CNBD1: variants seen among roughly 807,000 people sequenced by gnomAD.
The protein encoded by CNBD1 is cyclic nucleotide-binding domain-containing protein 1.
A neutral mutation model predicts 54.4 loss-of-function variants in CNBD1; 71 were observed. The ratio of observed to expected loss-of-function variants is 1.30; its 90% confidence interval spans 1.08 to 1.59. CNBD1 has a LOEUF of 1.59. Ranked by LOEUF, CNBD1 falls within the 40% of genes most tolerant of loss-of-function variation. The pLI, the probability that CNBD1 is intolerant of heterozygous loss-of-function variation, is 0.00. For missense variants in CNBD1, 659 were observed against 518.0 expected (o/e 1.27, Z -2.64); for synonymous variants, 182 against 170.7 (o/e 1.07, Z -0.51).
At chr8:87,268,886 G>C (rs75010638) in intron 6 of CNBD1, among the ~76,000 whole-genome samples, 1 of 151,950 alleles carries the variant, frequency 6.6e-6, no homozygotes, top group East Asian at 1.9e-4. Flanking sequence ...AGTTTACTCC[G>C]TTTATAGTTT....
chr8:86,903,897 A>G (rs1808976768), intron 2 of CNBD1, among the ~76,000 whole-genome samples: 1 of 152,000 alleles, frequency 6.6e-6, no homozygotes, highest in African/African-American at 2.4e-5. Flanking sequence ...GCCTCTAATA[A>G]ATCAGTGGTC....
At chr8:87,007,006 G>A (rs1809115920) in intron 4 of CNBD1, among the ~76,000 whole-genome samples, 1 of 152,146 alleles carries the variant, frequency 6.6e-6, no homozygotes. Context: ...AGACCAGCCT[G>A]GCCAACATGG....
intron 8 of CNBD1, among the ~76,000 whole-genome samples, chr8:87,307,137 C>G (rs1809169473): frequency 2.0e-5 from 3 of 152,132 alleles, no homozygotes; most frequent in Admixed American, 2.0e-4. Context: ...ACAGATTCGT[C>G]TTAGATTTCA....
chr8:87,187,018 A>G (rs1813492268), intron 4 of CNBD1, among the ~76,000 whole-genome samples: 1 of 152,138 alleles, frequency 6.6e-6, no homozygotes, highest in Non-Finnish European at 1.5e-5. Context: ...TTTCCTACCA[A>G]GAAGAAAATA....
chr8:87,309,928 C>G lies in CNBD1; in HGVS notation c.1042+23257C>G, dbSNP rs548611525. On this transcript the variant is annotated intron_variant, in intron 8 of 10. Transcript: ENST00000518476. ...CTTCATGGATGAAATGATTCTGTAC[C>G]TAGAAACCCCTAAAAACTTTGCCAC... 8.7e-4 allele frequency among the ~76,000 whole-genome samples: 132 copies of G among 152,206 alleles called. 1 individual carries two copies. Among genetic ancestry groups the G allele is most frequent in the South Asian group, 6.2e-3 (30 of 4,826 alleles).
At chr8:87,285,759 A>G (rs924848311) in intron 7 of CNBD1, among the ~76,000 whole-genome samples, 1 of 152,136 alleles carries the variant, frequency 6.6e-6, no homozygotes, top group Admixed American at 6.6e-5. Flanking sequence ...AATCCCAGCT[A>G]CTCGGGAGGC....
chr8:87,349,218 C>T (rs933440187), intron 8 of CNBD1, among the ~76,000 whole-genome samples: 1 of 152,114 alleles, frequency 6.6e-6, no homozygotes, highest in African/African-American at 2.4e-5. Context: ...ATCCAAACAA[C>T]ATTTATCTTG....
At chr8:87,152,108 G>A (rs192335622) in intron 4 of CNBD1, among the ~76,000 whole-genome samples, 4 of 152,082 alleles carry the variant, frequency 2.6e-5, no homozygotes, top group Non-Finnish European at 2.9e-5. Context: ...AGTGTTTAAT[G>A]TGAAGACTGG....
intron 8 of CNBD1, among the ~76,000 whole-genome samples, chr8:87,341,251 C>CT (rs1810057885): frequency 6.6e-6 from 1 of 152,038 alleles, no homozygotes; most frequent in African/African-American, 2.4e-5. Context: ...CTTCCCAGCT[C>CT]TTTTTTTCTC....
intron 4 of CNBD1, among the ~76,000 whole-genome samples, chr8:86,953,472 C>A (rs1388875261): frequency 6.6e-6 from 1 of 152,156 alleles, no homozygotes; most frequent in Non-Finnish European, 1.5e-5. Context: ...GATAACACAA[C>A]CTCAGACATC....
Position 86,905,107 on chromosome 8 carries a change from C to T in CNBD1, c.185C>T (p.Ala62Val), listed in dbSNP as rs1586124759. ...CGGAGTATGAGCAATATCTTATCAGCTCACGATACATTTATGAAGCAATAT... is the reference window on the plus strand; with the variant it reads ...CGGAGTATGAGCAATATCTTATCAGTTCACGATACATTTATGAAGCAATAT... The part of the protein sequence containing the change: ...HSRSMSNILS[A>V]HDTFMKQYPK... Residue 62 changes from alanine to valine, a missense_variant, in exon 3 of 11, where the codon GCT becomes GTT. By Grantham distance (64) the Ala-to-Val change is moderately conservative. Coordinates refer to ENST00000518476, the MANE Select transcript of CNBD1 (RefSeq NM_173538.3). 6.2e-7 allele frequency: 1 copy of T among 1,610,836 alleles called. No individual in the cohort carries two copies. Among genetic ancestry groups the T allele is most frequent in the South Asian group, 1.1e-5 (1 of 90,720 alleles).
chr8:87,014,961 T>C (rs1198257401), intron 4 of CNBD1, among the ~76,000 whole-genome samples: 2 of 152,068 alleles, frequency 1.3e-5, no homozygotes, highest in African/African-American at 4.8e-5. Flanking sequence ...AAGAAAGATA[T>C]TTGGGGTAAA....
intron 4 of CNBD1, among the ~76,000 whole-genome samples, chr8:86,984,561 G>A (rs945630873): frequency 6.6e-6 from 1 of 152,152 alleles, no homozygotes; most frequent in Non-Finnish European, 1.5e-5. Flanking sequence ...AAAGCCATAG[G>A]GACAGAGCTG....
chr8:87,312,943 T>A (rs1164561426), intron 8 of CNBD1, among the ~76,000 whole-genome samples: 1 of 152,060 alleles, frequency 6.6e-6, no homozygotes, highest in African/African-American at 2.4e-5. Context: ...TACATGCAGT[T>A]AGTATTCAAC....
intron 6 of CNBD1, among the ~76,000 whole-genome samples, chr8:87,258,082 A>G (rs778991260): frequency 3.3e-5 from 5 of 152,180 alleles, no homozygotes; most frequent in African/African-American, 9.6e-5. Context: ...TAACTTGTTA[A>G]AGAATTCTGT....
intron 4 of CNBD1, among the ~76,000 whole-genome samples, chr8:86,967,230 T>G (rs562629474): frequency 1.3e-5 from 2 of 152,272 alleles, no homozygotes; most frequent in East Asian, 3.9e-4. Flanking sequence ...AGACACCTGG[T>G]CCTGTGCCTA....
intron 10 of CNBD1, among the ~76,000 whole-genome samples, chr8:87,370,775 T>C (rs1342342077): frequency 1.3e-5 from 2 of 149,432 alleles, no homozygotes. Flanking sequence ...CCATTGCTTT[T>C]GGTGTTTTAG....
chr8:87,189,007 T>C (rs1813543511), intron 4 of CNBD1, among the ~76,000 whole-genome samples: 1 of 151,856 alleles, frequency 6.6e-6, no homozygotes, highest in Non-Finnish European at 1.5e-5. Context: ...CACAGAGAAA[T>C]GCAGCTTATC....
At chr8:87,023,310 A>G (rs1809528465) in intron 4 of CNBD1, among the ~76,000 whole-genome samples, 1 of 152,240 alleles carries the variant, frequency 6.6e-6, no homozygotes, top group African/African-American at 2.4e-5. Context: ...AAGAATAAAC[A>G]TAGAATATTC....
Sources: gnomAD v4.1 joint callset for allele counts (sites outside exome capture counted in the v4.1 genomes callset) on GRCh38, gnomAD v4.1.1 for gene constraint, MANE v1.5 for transcripts, NCBI Gene and HGNC (gene_info 2026-07-23, HGNC 2026-07-21) for gene names.